The following NCAPD3 variants were observed in gnomAD, a reference collection of about 807,000 sequenced individuals.
The protein encoded by NCAPD3 is condensin-2 complex subunit D3.
A neutral mutation model predicts 182.9 loss-of-function variants in NCAPD3; 105 were observed. That is an observed-to-expected ratio of 0.57 (90% confidence interval 0.49 to 0.68). The LOEUF is 0.68. Among genes scored for constraint, NCAPD3 ranks in the 30% least tolerant of loss-of-function variants. The probability of loss-of-function intolerance (pLI) is 0.00; values close to 1 mark genes in which losing one functional copy is unlikely to be tolerated. For synonymous variants in NCAPD3, 815 were observed against 679.9 expected, an observed-to-expected ratio of 1.20 and a Z score of -3.09; for missense variants, 1,944 against 1,837.0, an observed-to-expected ratio of 1.06 and a Z score of -1.07.
chr11:134,192,709 G>T lies in NCAPD3; in HGVS notation c.2025C>A (p.Thr675=). The T allele has an allele frequency of 6.2e-7, 1 of 1,614,092 alleles. No homozygotes were observed. The highest frequency in any genetic ancestry group is 8.5e-7 in the Non-Finnish European group (1 of 1,179,928). ...CCTACCTCAGTTCCTGGCTTTCGGT[G>T]GTGAGGAGAGTAAGAAGCGCCCAGG... The part of the protein sequence containing the change: ...VLAWALLTLL[T]TESQELSRYL... Residue 675 remains threonine, a synonymous_variant, in exon 16 of 35, where the codon ACC becomes ACA. Transcript: ENST00000534548.
At chr11:134,166,599 A>T (rs1394687626) in intron 27 of NCAPD3, among the ~76,000 whole-genome samples, 3 of 21,396 alleles carry the variant, frequency 1.4e-4, no homozygotes, top group Non-Finnish European at 9.0e-5. Context: ...CACACTCACT[A>T]GTGAGATGAG....
chr11:134,194,235 TAA>T, intron 14 of NCAPD3, 85 bp from the exon 15 acceptor site: 13 of 1,407,390 alleles, frequency 9.2e-6, no homozygotes, highest in Non-Finnish European at 1.3e-5. Context: ...ACACTTCCTT[TAA>T]GTTTGTGGTT....
rs769288114 is a variant in NCAPD3, at chr11:134,208,906, T to C, written c.840A>G (p.Gly280=). ...AKYIPELAYY[G]LYLLCSPIHG... ...GAATGGGAGAGCACAGCAAATACAATCCATAATAAGCCAGTTCTGGTATGT... is the reference window on the plus strand; with the variant it reads ...GAATGGGAGAGCACAGCAAATACAACCCATAATAAGCCAGTTCTGGTATGT... The change falls in exon 7 of 35, where the codon GGA becomes GGG. Residue 280 remains glycine, a synonymous_variant. Transcript: ENST00000534548. The C allele has an allele frequency of 1.9e-6, 3 of 1,612,672 alleles. No individual in the cohort carries two copies. Among genetic ancestry groups the C allele is most frequent in the Non-Finnish European group, 2.5e-6 (3 of 1,179,600 alleles).
In NCAPD3 at chr11:134,210,347, C is replaced by G; in HGVS notation, c.490G>C (p.Glu164Gln). ...ESNLNRKRKK[E>Q]QPKSSQANPG... is the part of the protein sequence containing the mutation. ...TTAGCCTGAGAGCTCTTAGGCTGTT[C>G]TTTCTTTCTTTTCCGATTCAAGTTA... Residue 164 changes from glutamate to glutamine, a missense_variant, in exon 4 of 35, where the codon GAA becomes CAA. By Grantham distance (29) the Glu-to-Gln change is conservative. Around this residue, in one of 3 missense-constraint regions of NCAPD3, gnomAD observed 1,803 missense variants for 1,674.6 expected, o/e 1.08. Transcript: ENST00000534548. 2 of 1,614,104 alleles carry G rather than the reference C, an allele frequency of 1.2e-6. No homozygotes were observed. Among genetic ancestry groups the G allele is most frequent in the Non-Finnish European group, 1.7e-6 (2 of 1,179,976 alleles).
At chr11:134,185,222 A>G in intron 17 of NCAPD3, 113 bp downstream of exon 17, 1 of 1,039,832 alleles carries the variant, frequency 9.6e-7, no homozygotes. Context: ...ACCAGGTTTT[A>G]AACAGAAGGT....
chr11:134,205,566 AG>A (rs1420488818), intron 8 of NCAPD3, among the ~76,000 whole-genome samples: 1 of 151,970 alleles, frequency 6.6e-6, no homozygotes, highest in African/African-American at 2.4e-5. Flanking sequence ...TAGTAGAGAC[AG>A]GGTTTCACCA....
chr11:134,204,118 C>G lies in NCAPD3; in HGVS notation c.1143G>C (p.Leu381=), dbSNP rs749054236. The G allele has an allele frequency of 6.2e-7, 1 of 1,614,044 alleles. No individual in the cohort carries two copies. Among genetic ancestry groups the G allele is most frequent in the African/African-American group, 1.3e-5 (1 of 75,030 alleles). The change falls in exon 10 of 35, where the codon CTG becomes CTC. Residue 381 remains leucine, a synonymous_variant. Coordinates refer to ENST00000534548, the MANE Select transcript of NCAPD3 (RefSeq NM_015261.3). This position sits in a 1 kb window ranked among gnomAD's most constrained non-coding sequence, Gnocchi z 4.3. ...ATTCCCCACAAGGAAGTTTACTGAG[C>G]AGCTGGACTAGGGACTGGGCTGCAA... ...RTFAAQSLVQ[L]LSKLPCGEYA...
intron 13 of NCAPD3, among the ~76,000 whole-genome samples, chr11:134,201,535 TAAG>T (rs763046085): frequency 6.6e-6 from 1 of 152,174 alleles, no homozygotes; most frequent in Non-Finnish European, 1.5e-5. Context: ...TCTGCCTTAA[TAAG>T]AAAAAGCAAA....
At chr11:134,225,200 G>T (rs748498512), upstream of NCAPD3, 2 of 1,614,156 alleles carry the variant, frequency 1.2e-6, no homozygotes, top group Non-Finnish European at 1.7e-6. Flanking sequence ...AGCGGGCCGA[G>T]CACAAGACGG....
chr11:134,223,438 C>G, intron 1 of NCAPD3: 1 of 702,536 alleles, frequency 1.4e-6, no homozygotes, highest in South Asian at 1.5e-5. Flanking sequence ...CATTTTCACT[C>G]ATGTGACGTT....
intron 16 of NCAPD3, among the ~76,000 whole-genome samples, chr11:134,187,986 G>T (rs1197787470): frequency 6.6e-6 from 1 of 152,204 alleles, no homozygotes; most frequent in Non-Finnish European, 1.5e-5. Flanking sequence ...CAGAGGTGAT[G>T]AAGTTAAAAC....
At chr11:134,169,408 G>A (rs1405295459) in intron 24 of NCAPD3, among the ~76,000 whole-genome samples, 1 of 152,224 alleles carries the variant, frequency 6.6e-6, no homozygotes, top group Non-Finnish European at 1.5e-5. Context: ...TTATAAGACT[G>A]ATGCAATGAC....
chr11:134,165,921 C>A (rs1399581882), intron 27 of NCAPD3, among the ~76,000 whole-genome samples: 1 of 105,210 alleles, frequency 9.5e-6, no homozygotes. Flanking sequence ...GTGAGATGAG[C>A]TTGGGGGAGC....
chr11:134,156,707 A>T (rs114249475), intron 32 of NCAPD3, among the ~76,000 whole-genome samples: 2,420 of 152,250 alleles, frequency 0.016, 59 homozygotes, highest in African/African-American at 0.053. Flanking sequence ...AGAGACACGG[A>T]GGGCCGCCTC....
At chr11:134,198,349 G>A (rs1260642542) in intron 13 of NCAPD3, among the ~76,000 whole-genome samples, 1 of 151,092 alleles carries the variant, frequency 6.6e-6, no homozygotes, top group Non-Finnish European at 1.5e-5. Context: ...TTTTCAACAA[G>A]AAAAATTTAA....
chr11:134,159,988 C>A lies in NCAPD3; in HGVS notation c.3771G>T (p.Lys1257Asn). The A allele has an allele frequency of 1.2e-6, 2 of 1,614,146 alleles. No individual in the cohort carries two copies. The highest frequency in any genetic ancestry group is 1.7e-6 in the Non-Finnish European group (2 of 1,180,034). ...CCTGGACCAGCTGTTCCTGGTACTT[C>A]TTCATGTCATACTCAAGCTCTGATG... is the stretch of plus-strand genomic sequence containing the variant. Reference protein sequence around the residue: ...QLASELEYDMKKYQEQLVQEQ... With the variant: ...QLASELEYDMNKYQEQLVQEQ... Residue 1257 changes from lysine to asparagine, a missense_variant, in exon 29 of 35, where the codon AAG becomes AAT. Physicochemically the swap from Lys to Asn is moderately conservative, Grantham distance 94. This residue lies in a region of NCAPD3 where 1,803 missense variants were observed against 1,674.6 expected (regional missense o/e 1.08). Transcript: ENST00000534548.
chr11:134,154,600 TCCTGGGTGGTGCAGCCTC>T, intron 32 of NCAPD3, among the ~76,000 whole-genome samples: 3 of 140,426 alleles, frequency 2.1e-5, no homozygotes, highest in Non-Finnish European at 4.6e-5. Flanking sequence ...GCCTCGCCCC[TCCTGGGTGGTGCAGCCTC>T]GCCCCTCCTG....
Position 134,157,092 on chromosome 11 carries a change from G to A in NCAPD3, c.4178C>T (p.Ser1393Phe), listed in dbSNP as rs762142510. The change falls in exon 32 of 35, where the codon TCT (serine) becomes TTT (phenylalanine). Residue 1393 changes from serine (S) to phenylalanine (F), a missense_variant. This residue lies in a region of NCAPD3 where 1,803 missense variants were observed against 1,674.6 expected (regional missense o/e 1.08). Transcript: ENST00000534548. ...CGACTCTTGCTCCAAACTGTATGAA[G>A]ACACTAGAACAGAAAAGGTGCTGCT... The part of the protein sequence containing the change: ...GSPEKTCSQV[S>F]SYSLEQESNG... 5 of 1,612,300 alleles carry A rather than the reference G, an allele frequency of 3.1e-6. No homozygotes were observed. The highest frequency in any genetic ancestry group is 4.2e-6 in the Non-Finnish European group (5 of 1,178,998).
chr11:134,193,033 G>A, intron 15 of NCAPD3, 124 bp from the exon 16 acceptor site: 6 of 592,346 alleles, frequency 1.0e-5, no homozygotes, highest in South Asian at 2.5e-5. Context: ...AGTGAAAAAA[G>A]AAAAAAATTC....
Sources: allele counts gnomAD v4.1 joint callset (sites outside exome capture counted in the v4.1 genomes callset), GRCh38; gene constraint gnomAD v4.1.1; regional missense constraint gnomAD v4.1.1; non-coding constraint Gnocchi (gnomAD v3.1); transcripts MANE v1.5; gene names NCBI Gene and HGNC (gene_info 2026-07-23, HGNC 2026-07-21).